Variants in DENND1B observed in about 807,000 individuals in gnomAD.
DENND1B encodes DENN domain-containing protein 1B.
DENND1B carries 59 observed loss-of-function variants against 90.1 expected under a neutral mutation model. The observed-to-expected ratio is 0.65, with a 90% confidence interval of 0.53 to 0.81. The LOEUF is 0.81. DENND1B is among the 40% of genes least tolerant of loss of function. The pLI is 0.00. For missense variants in DENND1B, 862 were observed against 912.6 expected (o/e 0.94, Z 0.71); for synonymous variants, 337 against 324.6 (o/e 1.04, Z -0.41).
At chr1:197,593,282 A>G (rs1675395478) in intron 14 of DENND1B, among the ~76,000 whole-genome samples, 1 of 151,746 alleles carries the variant, frequency 6.6e-6, no homozygotes, top group African/African-American at 2.4e-5. Context: ...TTCAGTATAC[A>G]TTAAAAAGGA....
At chr1:197,560,372 G>A (rs1215042066) in intron 15 of DENND1B, among the ~76,000 whole-genome samples, 1 of 151,848 alleles carries the variant, frequency 6.6e-6, no homozygotes, top group Non-Finnish European at 1.5e-5. Context: ...GGGGAAGAGA[G>A]TTTTAGCATG....
chr1:197,689,770 G>A (rs1015289105), intron 3 of DENND1B: 4 of 152,204 alleles, frequency 2.6e-5, no homozygotes, highest in African/African-American at 9.7e-5. Context: ...AACTTAAGGA[G>A]TCTATTACCT....
rs567824795 is a variant in DENND1B at position 197,629,661 on chromosome 1, AAAACTT to A, written c.673-11908_673-11903del. On this transcript the variant is annotated intron_variant, in intron 10 of 22. Transcript: ENST00000620048. ...GCTGCACATTGTGCACATGTGCCCTAAAACTTAAAGTATAATAATAATAAAATAAAA... is the reference window on the plus strand; with the variant it reads ...GCTGCACATTGTGCACATGTGCCCTAAAAGTATAATAATAATAAAATAAAA... Among the ~76,000 whole-genome samples, 26 of 152,128 alleles carry A rather than the reference AAAACTT, an allele frequency of 1.7e-4. No individual in the cohort carries two copies. The South Asian group carries it at 5.4e-3, about 32-fold the overall frequency.
intron 2 of DENND1B, among the ~76,000 whole-genome samples, chr1:197,740,332 T>A (rs1482729259): frequency 6.6e-6 from 1 of 152,126 alleles, no homozygotes; most frequent in Non-Finnish European, 1.5e-5. Flanking sequence ...GTTAGAAATG[T>A]AAACAAGGGG....
chr1:197,767,380 T>A (rs1655827838), intron 2 of DENND1B, among the ~76,000 whole-genome samples: 1 of 152,124 alleles, frequency 6.6e-6, no homozygotes, highest in African/African-American at 2.4e-5. Flanking sequence ...AGTTTAGAGA[T>A]ACCTTTCTTG....
chr1:197,722,956 T>C (rs1220635510), intron 2 of DENND1B, among the ~76,000 whole-genome samples: 1 of 152,102 alleles, frequency 6.6e-6, no homozygotes, highest in Admixed American at 6.6e-5. Flanking sequence ...TCCTGGAAAA[T>C]CAAACTAGCA....
chr1:197,574,284 C>T (rs889585991), intron 15 of DENND1B, among the ~76,000 whole-genome samples: 2 of 152,118 alleles, frequency 1.3e-5, no homozygotes, highest in Admixed American at 6.5e-5. Context: ...ACAAGCATTC[C>T]TGTACACCAA....
chr1:197,582,423 C>T (rs1382463907), intron 15 of DENND1B, among the ~76,000 whole-genome samples: 2 of 152,100 alleles, frequency 1.3e-5, no homozygotes, highest in African/African-American at 4.8e-5. Context: ...AGTAGGTCTT[C>T]ATTAAATGTT....
rs965019491 is a variant in DENND1B at position 197,747,625 on chromosome 1, C to G, written c.82+25243G>C. The stretch of plus-strand genomic sequence containing the variant: ...TCAAAGCAGGGCTGCTACAAACCTT[C>G]AGTTTTTAAAAAATGCAATACCTAA... On this transcript the variant is annotated intron_variant, in intron 2 of 22. Transcript: ENST00000620048. Among the ~76,000 whole-genome samples, 4 of 152,338 alleles carry G rather than the reference C, an allele frequency of 2.6e-5. No homozygotes were observed. The East Asian group carries it at 7.7e-4, about 29-fold the overall frequency.
At chr1:197,742,302 T>C (rs1197890154) in intron 2 of DENND1B, among the ~76,000 whole-genome samples, 1 of 152,214 alleles carries the variant, frequency 6.6e-6, no homozygotes. Context: ...AGAATTTTTA[T>C]ACTTTAGTCT....
intron 14 of DENND1B, among the ~76,000 whole-genome samples, chr1:197,584,430 G>A (rs1024660737): frequency 5.3e-5 from 8 of 152,068 alleles, no homozygotes; most frequent in Non-Finnish European, 7.4e-5. Flanking sequence ...CATTTGAACC[G>A]CTCAATGGTC....
rs776898327 is a variant in DENND1B at position 197,551,730 on chromosome 1, GT to G, written c.1240+1291del. Among the ~76,000 whole-genome samples the G allele has an allele frequency of 6.8e-4, 103 of 152,238 alleles. No individual in the cohort carries two copies. The East Asian group carries it at 0.02, about 29-fold the overall frequency. ...ATAAAGATAATGAGACAGCAGTTAT[GT>G]AAATACCGAATAGATGCCTTAAGCA... On this transcript the variant is annotated intron_variant, in intron 16 of 22. Coordinates refer to ENST00000620048, the MANE Select transcript of DENND1B (RefSeq NM_001195215.2).
At chr1:197,698,952 A>C (rs1009307048) in intron 3 of DENND1B, among the ~76,000 whole-genome samples, 1 of 152,196 alleles carries the variant, frequency 6.6e-6, no homozygotes, top group Non-Finnish European at 1.5e-5. Flanking sequence ...CCAGGACCAG[A>C]TGGATTCACA....
chr1:197,515,755 C>A (rs1668351172), intron 20 of DENND1B, among the ~76,000 whole-genome samples: 1 of 151,762 alleles, frequency 6.6e-6, no homozygotes, highest in African/African-American at 2.4e-5. Context: ...TGACACTAAA[C>A]AGCTCTAAGT....
chr1:197,562,990 T>C (rs1672304136), intron 15 of DENND1B, among the ~76,000 whole-genome samples: 2 of 151,862 alleles, frequency 1.3e-5, no homozygotes, highest in South Asian at 4.1e-4. Flanking sequence ...AGGTCCTAAC[T>C]CTCTTCAATT....
At chr1:197,663,021 G>T (rs1654577369) in intron 5 of DENND1B, among the ~76,000 whole-genome samples, 1 of 151,942 alleles carries the variant, frequency 6.6e-6, no homozygotes, top group African/African-American at 2.4e-5. Flanking sequence ...CATCACTGTG[G>T]ATAAAAATTT....
Position 197,567,287 on chromosome 1 carries a change from G to T in DENND1B, c.1150-14175C>A, listed in dbSNP as rs2125720124. Among the ~76,000 whole-genome samples the T allele has an allele frequency of 2.0e-5, 3 of 151,952 alleles. No individual in the cohort carries two copies. The East Asian group carries it at 5.8e-4, about 29-fold the overall frequency. ...CCCAGAAGAAATGAATAAATTCCTA[G>T]ATACAACCTATCAAAACTGAATTAT... On this transcript the variant is annotated intron_variant, in intron 15 of 22. Coordinates refer to ENST00000620048, the MANE Select transcript of DENND1B (RefSeq NM_001195215.2).
chr1:197,702,234 T>C (rs1236909383), intron 3 of DENND1B, among the ~76,000 whole-genome samples: 6 of 152,180 alleles, frequency 3.9e-5, no homozygotes, highest in Admixed American at 3.3e-4. Flanking sequence ...ATTCACATTA[T>C]TAAGGTAAAT....
intron 15 of DENND1B, among the ~76,000 whole-genome samples, chr1:197,554,764 C>G (rs546963071): frequency 7.6e-6 from 1 of 131,466 alleles, no homozygotes; most frequent in African/African-American, 2.9e-5. Flanking sequence ...ATCTCTTGAA[C>G]CCAGGAGGTA....
Sources: gnomAD v4.1 joint callset for allele counts (sites outside exome capture counted in the v4.1 genomes callset) on GRCh38, gnomAD v4.1.1 for gene constraint, MANE v1.5 for transcripts, NCBI Gene and HGNC (gene_info 2026-07-23, HGNC 2026-07-21) for gene names.